The following G2E3 variants were observed in gnomAD, a reference collection of about 807,000 sequenced individuals.
The protein encoded by G2E3 is G2/M-phase specific E3 ubiquitin protein ligase, also known as G2/M phase-specific E3 ubiquitin-protein ligase.
Under a neutral mutation model 92.8 loss-of-function variants are expected in G2E3, and 35 were observed. The observed-to-expected ratio is 0.38, with a 90% CI of 0.29 to 0.50. The LOEUF is 0.50. Among genes scored for constraint, G2E3 ranks in the 20% least tolerant of loss-of-function variants. The pLI, the probability that G2E3 is intolerant of heterozygous loss-of-function variation, is 0.94. For synonymous variants in G2E3, 242 were observed against 272.4 expected (o/e 0.89, Z 1.10); for missense variants, 554 against 823.8 (o/e 0.67, Z 4.01).
intron 1 of G2E3, among the ~76,000 whole-genome samples, chr14:30,572,586 A>G (rs1287124058): frequency 6.6e-6 from 1 of 152,136 alleles, no homozygotes; most frequent in Non-Finnish European, 1.5e-5. Context: ...AATTTTGTCA[A>G]ATGCTCTTTC....
At chr14:30,607,434 A>G (rs528785948) in intron 11 of G2E3, among the ~76,000 whole-genome samples, 7 of 152,286 alleles carry the variant, frequency 4.6e-5, no homozygotes, top group South Asian at 2.1e-4. Context: ...ATGTTACTGT[A>G]CTGAATACTG....
intron 1 of G2E3, among the ~76,000 whole-genome samples, chr14:30,575,041 A>AC (rs1191051997): frequency 6.6e-6 from 1 of 152,190 alleles, no homozygotes; most frequent in Non-Finnish European, 1.5e-5. Context: ...ACTACCACCA[A>AC]CAGGGTATAA....
intron 12 of G2E3, among the ~76,000 whole-genome samples, chr14:30,608,352 G>C (rs1044488258): frequency 2.0e-5 from 3 of 152,178 alleles, no homozygotes; most frequent in Admixed American, 6.5e-5. Context: ...GAAATACATG[G>C]ATTTGCCTGC....
intron 1 of G2E3, among the ~76,000 whole-genome samples, chr14:30,562,552 C>T (rs1227617329): frequency 6.6e-6 from 1 of 152,116 alleles, no homozygotes; most frequent in African/African-American, 2.4e-5. Flanking sequence ...GCGATAGCGT[C>T]AGTGTCAAGG....
intron 12 of G2E3, chr14:30,611,820 C>CAT (rs1882103621): frequency 1.3e-5 from 2 of 151,772 alleles, no homozygotes; most frequent in East Asian, 3.9e-4. Flanking sequence ...CACACCAGGC[C>CAT]TTTTTTTTTT....
rs1594517703 is a variant in G2E3, at chr14:30,616,156, A to G, written c.1865-122A>G. 13 of 674,032 alleles carry G rather than the reference A, an allele frequency of 1.9e-5. No homozygotes were observed. In the East Asian group the frequency reaches 3.5e-4, roughly 18 times the overall value. 41.8% of individuals were successfully genotyped at this position (674,032 alleles called of 1,614,324 possible). A position where few individuals can be genotyped will look rare whatever the true frequency, so the allele number is the denominator to read the frequency against. ...TTTGTGATTTAGTTTGCCCAAAACA[A>G]ATGTGGGAGTCTGTGCCTTTCAGTA... On this transcript the variant is annotated intron_variant, in intron 14 of 14. Transcript: ENST00000206595.
At chr14:30,586,578 T>C (rs1376999799) in intron 2 of G2E3, 140 bp from the exon 3 acceptor site, 2 of 389,508 alleles carry the variant, frequency 5.1e-6, no homozygotes, top group Non-Finnish European at 4.6e-6. Context: ...GTATTGGAAA[T>C]TTTAAGTTAC....
chr14:30,562,550 G>A (rs1012718537), intron 1 of G2E3, among the ~76,000 whole-genome samples: 34 of 152,110 alleles, frequency 2.2e-4, no homozygotes, highest in African/African-American at 7.2e-4. Context: ...TAGCGATAGC[G>A]TCAGTGTCAA....
chr14:30,598,606 C>T lies in G2E3; in HGVS notation c.752+7C>T. 6.5e-7 allele frequency: 1 copy of T among 1,545,176 alleles called. No homozygotes were observed. The highest frequency in any genetic ancestry group is 9.0e-7 in the Non-Finnish European group (1 of 1,117,082). ...ACTATAATGCACCTGATAGGTATTTCTGAAAGTTCAGTTGTGCTTAGTGGT... is the reference window on the plus strand; with the variant it reads ...ACTATAATGCACCTGATAGGTATTTTTGAAAGTTCAGTTGTGCTTAGTGGT... On this transcript the variant is annotated splice_region_variant and intron_variant, in intron 8 of 14. Transcript: ENST00000206595.
chr14:30,589,339 C>G, intron 3 of G2E3, 44 bp from the exon 4 acceptor site: 2 of 1,092,294 alleles, frequency 1.8e-6, no homozygotes, highest in Non-Finnish European at 2.8e-6. Flanking sequence ...TAATGCCCAA[C>G]TAGTTTCTTA....
At chr14:30,616,157 A>G in intron 14 of G2E3, 121 bp from the exon 15 acceptor site, 1 of 676,282 alleles carries the variant, frequency 1.5e-6, no homozygotes, top group South Asian at 1.9e-5. Context: ...CCCAAAACAA[A>G]TGTGGGAGTC....
intron 1 of G2E3, among the ~76,000 whole-genome samples, chr14:30,567,622 T>A (rs924861661): frequency 4.6e-5 from 7 of 152,136 alleles, no homozygotes; most frequent in Non-Finnish European, 8.8e-5. Context: ...ATTCTCAATT[T>A]AAAAATTTTT....
intron 3 of G2E3, 56 bp downstream of exon 3, chr14:30,586,871 A>C: frequency 3.6e-6 from 2 of 552,900 alleles, no homozygotes; most frequent in Non-Finnish European, 6.4e-6. Context: ...GAAGATAGTA[A>C]GATTCTGACA....
intron 4 of G2E3, among the ~76,000 whole-genome samples, chr14:30,590,342 C>G (rs1880936758): frequency 6.6e-6 from 1 of 152,082 alleles, no homozygotes; most frequent in Non-Finnish European, 1.5e-5. Flanking sequence ...CCACAGATGC[C>G]AAAGTCTTGA....
intron 12 of G2E3, among the ~76,000 whole-genome samples, chr14:30,608,858 T>C (rs566359500): frequency 2.0e-5 from 3 of 152,364 alleles, no homozygotes; most frequent in African/African-American, 7.2e-5. Context: ...GGCATGTGCC[T>C]GTAATCCCAG....
chr14:30,568,369 C>T (rs575124116), intron 1 of G2E3, among the ~76,000 whole-genome samples: 159 of 152,044 alleles, frequency 1.0e-3, no homozygotes, highest in Non-Finnish European at 1.4e-3. Context: ...TTCTGTCAAC[C>T]TTTGCCTTTT....
chr14:30,612,518 ACTT>A, intron 13 of G2E3, 139 bp downstream of exon 13: 1 of 589,718 alleles, frequency 1.7e-6, no homozygotes. Context: ...TTAAATAATA[ACTT>A]AAGCCTTTTT....
chr14:30,583,779 T>C (rs1880559282), intron 2 of G2E3, among the ~76,000 whole-genome samples: 1 of 152,214 alleles, frequency 6.6e-6, no homozygotes, highest in African/African-American at 2.4e-5. Flanking sequence ...TATACAGTTT[T>C]CTAAAAAAGG....
intron 13 of G2E3, among the ~76,000 whole-genome samples, chr14:30,614,817 G>A (rs1882240382): frequency 1.3e-5 from 2 of 152,028 alleles, no homozygotes; most frequent in Non-Finnish European, 2.9e-5. Flanking sequence ...TATATTTTTT[G>A]TTCATTTTCC....
Sources: allele counts gnomAD v4.1 joint callset (sites outside exome capture counted in the v4.1 genomes callset), GRCh38; gene constraint gnomAD v4.1.1; transcripts MANE v1.5; gene names NCBI Gene and HGNC (gene_info 2026-07-23, HGNC 2026-07-21).